ADAMTS19: variants seen among roughly 807,000 people sequenced by gnomAD.
ADAMTS19 encodes the protein A disintegrin and metalloproteinase with thrombospondin motifs 19.
ADAMTS19 carries 93 observed loss-of-function variants against 153.3 expected under a neutral mutation model. That is an observed-to-expected ratio of 0.61 (90% CI 0.51 to 0.72). The LOEUF is 0.72. Among genes scored for constraint, ADAMTS19 ranks in the 30% least tolerant of loss-of-function variants. ADAMTS19 has a pLI of 0.00. For synonymous variants in ADAMTS19, 600 were observed against 556.6 expected, an observed-to-expected ratio of 1.08 and a Z score of -1.10; for missense variants, 1,482 against 1,552.1, an observed-to-expected ratio of 0.95 and a Z score of 0.76.
chr5:129,655,097 T>C (rs1753487221), intron 14 of ADAMTS19, among the ~76,000 whole-genome samples: 1 of 152,168 alleles, frequency 6.6e-6, no homozygotes, highest in Admixed American at 6.5e-5. Flanking sequence ...CCCTGGAAGA[T>C]TAATATGCAC....
intron 21 of ADAMTS19, among the ~76,000 whole-genome samples, chr5:129,713,879 C>A (rs1402196129): frequency 6.6e-6 from 1 of 152,102 alleles, no homozygotes; most frequent in Non-Finnish European, 1.5e-5. Flanking sequence ...AGCATCTACA[C>A]AACCAGGGTT....
chr5:129,524,109 G>A (rs1751919798), intron 3 of ADAMTS19, among the ~76,000 whole-genome samples: 1 of 151,984 alleles, frequency 6.6e-6, no homozygotes, highest in African/African-American at 2.4e-5. Context: ...TACCAAAACA[G>A]GTATATAGAC....
intron 2 of ADAMTS19, among the ~76,000 whole-genome samples, chr5:129,503,774 G>A (rs1044878690): frequency 6.6e-6 from 1 of 152,020 alleles, no homozygotes; most frequent in Non-Finnish European, 1.5e-5. Flanking sequence ...GTTCCAGTGA[G>A]CCAAGATCAT....
At chr5:129,495,736 CTGTTTA>C (rs1750905757) in intron 2 of ADAMTS19, among the ~76,000 whole-genome samples, 1 of 152,082 alleles carries the variant, frequency 6.6e-6, no homozygotes, top group Non-Finnish European at 1.5e-5. Context: ...TGATGTTCTT[CTGTTTA>C]TAATTGTCTT....
intron 2 of ADAMTS19, among the ~76,000 whole-genome samples, chr5:129,495,843 A>G (rs1750910799): frequency 6.6e-6 from 1 of 152,096 alleles, no homozygotes; most frequent in Non-Finnish European, 1.5e-5. Context: ...TTCAGGGTTT[A>G]TACCATATTA....
chr5:129,532,556 T>C (rs915551281), intron 6 of ADAMTS19, among the ~76,000 whole-genome samples: 1 of 152,202 alleles, frequency 6.6e-6, no homozygotes, highest in African/African-American at 2.4e-5. Context: ...AAACATTTGC[T>C]TACCATTTAG....
intron 21 of ADAMTS19, among the ~76,000 whole-genome samples, chr5:129,705,451 T>C (rs919740883): frequency 2.6e-5 from 4 of 152,228 alleles, no homozygotes; most frequent in Non-Finnish European, 5.9e-5. Context: ...ATGTATGCCT[T>C]TTGTCTCTAA....
intron 21 of ADAMTS19, among the ~76,000 whole-genome samples, chr5:129,730,953 G>C (rs940262357): frequency 1.3e-5 from 2 of 151,296 alleles, no homozygotes; most frequent in African/African-American, 4.9e-5. Context: ...GTTTTGTTTT[G>C]TTTTGTTTTG....
intron 7 of ADAMTS19, among the ~76,000 whole-genome samples, chr5:129,585,723 C>T (rs1436001562): frequency 6.6e-6 from 1 of 152,014 alleles, no homozygotes; most frequent in Non-Finnish European, 1.5e-5. Flanking sequence ...CTTATGGTAC[C>T]TGTATTTTTA....
chr5:129,608,116 G>GTATATATATATATATATATATATATATA (rs1554098182), intron 8 of ADAMTS19, among the ~76,000 whole-genome samples: 34 of 47,932 alleles, frequency 7.1e-4, no homozygotes, highest in African/African-American at 1.6e-3. Flanking sequence ...GTGTGTGTGT[G>GTATATATATATATATATATATATATATA]TATATATATA....
chr5:129,642,651 ATTG>A (rs1752844522), intron 11 of ADAMTS19, among the ~76,000 whole-genome samples: 2 of 152,218 alleles, frequency 1.3e-5, no homozygotes, highest in Non-Finnish European at 2.9e-5. Context: ...GGAAAGTAGA[ATTG>A]TTATCACTGT....
At position 129,647,758 on chromosome 5, in the gene ADAMTS19, G is replaced by A. The variant is rs767391266; in HGVS notation, c.1873-7G>A. On this transcript the variant is annotated splice_region_variant and splice_polypyrimidine_tract_variant and intron_variant, in intron 11 of 22. Transcript: ENST00000274487. ...TTTGTTCACCTAAGACATAACTTTT[G>A]GAATAGTGGTGTAAGGCTGGAGAAT... is the stretch of plus-strand genomic sequence containing the variant. 1 of 1,612,746 alleles carries A rather than the reference G, an allele frequency of 6.2e-7. No individual in the cohort carries two copies. The highest frequency in any genetic ancestry group is 8.5e-7 in the Non-Finnish European group (1 of 1,179,202).
At chr5:129,608,116 G>GTATATATA (rs1554098182) in intron 8 of ADAMTS19, among the ~76,000 whole-genome samples, 1,320 of 47,904 alleles carry the variant, frequency 0.028, 57 homozygotes, top group Non-Finnish European at 0.032. Flanking sequence ...GTGTGTGTGT[G>GTATATATA]TATATATATA....
At chr5:129,526,819 T>TTTG (rs1561551933) in intron 4 of ADAMTS19, among the ~76,000 whole-genome samples, 1 of 151,466 alleles carries the variant, frequency 6.6e-6, no homozygotes, top group African/African-American at 2.4e-5. Flanking sequence ...TATTTATTTT[T>TTTG]TTGGTACATA....
At chr5:129,649,541 GTGGTTGCCAGGGATTAGGGA>G (rs1753219727) in intron 13 of ADAMTS19, among the ~76,000 whole-genome samples, 1 of 152,130 alleles carries the variant, frequency 6.6e-6, no homozygotes, top group Admixed American at 6.6e-5. Context: ...ATACAAATTA[GTGGTTGCCAGGGATTAGGGA>G]TGGTGGTGGG....
chr5:129,574,875 G>A (rs1459749600), intron 7 of ADAMTS19, among the ~76,000 whole-genome samples: 5 of 149,368 alleles, frequency 3.3e-5, no homozygotes, highest in South Asian at 2.1e-4. Context: ...AAAAATTAAC[G>A]TGTTTATTTA....
chr5:129,701,099 C>T (rs1263709784), intron 19 of ADAMTS19, among the ~76,000 whole-genome samples: 1 of 151,182 alleles, frequency 6.6e-6, no homozygotes, highest in Non-Finnish European at 1.5e-5. Context: ...GTGCTGTTCT[C>T]ATGATAGTGA....
At chr5:129,482,843 T>C (rs1750460046) in intron 2 of ADAMTS19, among the ~76,000 whole-genome samples, 1 of 152,196 alleles carries the variant, frequency 6.6e-6, no homozygotes, top group African/African-American at 2.4e-5. Flanking sequence ...TCTTCAGTTA[T>C]CTTTGTGTTG....
At chr5:129,613,013 G>A (rs4836469) in intron 8 of ADAMTS19, among the ~76,000 whole-genome samples, 126,536 of 152,088 alleles carry the variant, frequency 0.83, 52,911 homozygotes, top group Non-Finnish European at 0.88. Context: ...TGCACCCAAT[G>A]CAGGAGCACC....
Sources: gnomAD v4.1 joint callset for allele counts (sites outside exome capture counted in the v4.1 genomes callset) on GRCh38, gnomAD v4.1.1 for gene constraint, MANE v1.5 for transcripts, NCBI Gene and HGNC (gene_info 2026-07-23, HGNC 2026-07-21) for gene names.